Variants in ZBBX observed in about 807,000 individuals in gnomAD.
The protein encoded by ZBBX is zinc finger B-box domain-containing protein 1.
A neutral mutation model predicts 108.5 loss-of-function variants in ZBBX; 101 were observed. The ratio of observed to expected loss-of-function variants is 0.93; its 90% CI spans 0.79 to 1.10. The LOEUF (loss-of-function observed/expected upper bound fraction) is 1.10, where lower values mean the gene tolerates loss of function less well. Among genes scored for constraint, ZBBX ranks in the 50% least tolerant of loss-of-function variants. ZBBX has a pLI of 0.00. For synonymous variants in ZBBX, 356 were observed against 323.4 expected (o/e 1.10, Z -1.08); for missense variants, 1,009 against 941.4 (o/e 1.07, Z -0.94).
At chr3:167,339,860 T>A (rs1740234775) in intron 9 of ZBBX, among the ~76,000 whole-genome samples, 2 of 151,962 alleles carry the variant, frequency 1.3e-5, no homozygotes, top group Non-Finnish European at 2.9e-5. Context: ...TGTTGTTTCA[T>A]TCCCTGTGTC....
chr3:167,241,153 A>G (rs892719981), intron 21 of ZBBX, among the ~76,000 whole-genome samples: 1 of 152,176 alleles, frequency 6.6e-6, no homozygotes, highest in Non-Finnish European at 1.5e-5. Flanking sequence ...AGAATCAAGG[A>G]GAGACTTTAT....
intron 20 of ZBBX, chr3:167,248,776 C>T: frequency 2.6e-6 from 1 of 389,718 alleles, no homozygotes; most frequent in Non-Finnish European, 5.2e-6. Context: ...ATGGCATAAA[C>T]AGGCTCAGGA....
the ZBBX span, among the ~76,000 whole-genome samples, chr3:167,231,203 A>G: frequency 6.6e-6 from 1 of 151,866 alleles, no homozygotes; most frequent in Non-Finnish European, 1.5e-5. Flanking sequence ...GAAATTATAC[A>G]TTAGAGGTTT....
the ZBBX span, among the ~76,000 whole-genome samples, chr3:167,222,983 G>T: frequency 8.9e-3 from 1,358 of 151,906 alleles, 28 homozygotes; most frequent in African/African-American, 0.031. Flanking sequence ...TGAGGTGATG[G>T]ACACCCAAAT....
chr3:167,288,820 G>T, intron 19 of ZBBX, 47 bp downstream of exon 19: 1 of 1,352,742 alleles, frequency 7.4e-7, no homozygotes, highest in Non-Finnish European at 1.0e-6. Context: ...AACTACTAAA[G>T]GAAGTAAGCT....
chr3:167,322,482 G>C (rs12638428), intron 11 of ZBBX, among the ~76,000 whole-genome samples: 117,974 of 151,870 alleles, frequency 0.78, 45,875 homozygotes, highest in East Asian at 0.9. Context: ...CAGAAGGTTT[G>C]TTAAAGCAAC....
At chr3:167,353,729 T>C (rs966264511) in intron 8 of ZBBX, among the ~76,000 whole-genome samples, 10 of 152,026 alleles carry the variant, frequency 6.6e-5, no homozygotes, top group African/African-American at 2.4e-4. Context: ...ACAACAACTC[T>C]ATAAATTTAC....
intron 2 of ZBBX, among the ~76,000 whole-genome samples, chr3:167,374,056 G>A (rs1413481796): frequency 6.6e-6 from 1 of 151,994 alleles, no homozygotes; most frequent in Non-Finnish European, 1.5e-5. Context: ...CCAAGTATTT[G>A]TTCTATCTAA....
the ZBBX span, among the ~76,000 whole-genome samples, chr3:167,231,558 A>T: frequency 6.6e-6 from 1 of 151,828 alleles, no homozygotes; most frequent in African/African-American, 2.4e-5. Flanking sequence ...CCAGTGAAAA[A>T]AATCAAAGTG....
At chr3:167,182,639 G>C in the ZBBX span, among the ~76,000 whole-genome samples, 22 of 152,102 alleles carry the variant, frequency 1.4e-4, no homozygotes, top group Admixed American at 6.5e-4. Flanking sequence ...TTGAGGTTGG[G>C]CCTGGGCATT....
chr3:167,394,271 A>T (rs1028418663), intron 1 of ZBBX, among the ~76,000 whole-genome samples: 2 of 151,858 alleles, frequency 1.3e-5, no homozygotes, highest in Non-Finnish European at 2.9e-5. Context: ...TTTTTTCCTC[A>T]ATCTTTACAA....
chr3:167,396,795 T>C (rs776058118), intron 1 of ZBBX, among the ~76,000 whole-genome samples: 2 of 151,928 alleles, frequency 1.3e-5, no homozygotes, highest in Non-Finnish European at 2.9e-5. Context: ...AGCAAAAATA[T>C]GAGGAAGACA....
intron 18 of ZBBX, among the ~76,000 whole-genome samples, chr3:167,296,559 C>T (rs1480087671): frequency 6.6e-6 from 1 of 151,822 alleles, no homozygotes; most frequent in Non-Finnish European, 1.5e-5. Context: ...AGGCAAATAC[C>T]AGTTGTATTT....
chr3:167,180,148 A>T, the ZBBX span, among the ~76,000 whole-genome samples: 3 of 152,352 alleles, frequency 2.0e-5, no homozygotes, highest in African/African-American at 7.2e-5. Context: ...AAAAAAGAGC[A>T]AATCTAGAGT....
At position 167,247,316 on chromosome 3, in the gene ZBBX, C is replaced by T. The variant is rs148635174; in HGVS notation, c.2255-4673G>A. 1.7e-3 allele frequency among the ~76,000 whole-genome samples: 254 copies of T among 152,248 alleles called. 1 individual carries two copies. Among genetic ancestry groups the T allele is most frequent in the African/African-American group, 4.8e-3 (200 of 41,536 alleles). On this transcript the variant is annotated intron_variant, in intron 20 of 21. Transcript: ENST00000675490. ...GGCACACTGGCAGCCCATCAACCAG[C>T]GGGTTGAGATGGAGTTTGGCTAGGG...
chr3:167,391,488 T>A (rs1748083770), intron 1 of ZBBX, among the ~76,000 whole-genome samples: 1 of 152,092 alleles, frequency 6.6e-6, no homozygotes, highest in Non-Finnish European at 1.5e-5. Context: ...ATCAGGATGA[T>A]GCTAGTCTCA....
At chr3:167,346,427 T>C (rs1426558204) in intron 9 of ZBBX, among the ~76,000 whole-genome samples, 1 of 151,840 alleles carries the variant, frequency 6.6e-6, no homozygotes, top group Non-Finnish European at 1.5e-5. Context: ...GGTATGCTGA[T>C]ACAAAATGAT....
intron 9 of ZBBX, among the ~76,000 whole-genome samples, chr3:167,346,806 T>C (rs533978598): frequency 1.3e-5 from 2 of 151,874 alleles, no homozygotes; most frequent in East Asian, 1.9e-4. Context: ...ACAAAAACTT[T>C]ATGCATAGGA....
chr3:167,241,034 G>A, intron 21 of ZBBX, 115 bp from the exon 22 acceptor site: 1 of 1,250,828 alleles, frequency 8.0e-7, no homozygotes, highest in East Asian at 2.5e-5. Flanking sequence ...CAGATGTGAG[G>A]GAGCTGTATC....
Sources: allele counts gnomAD v4.1 joint callset (sites outside exome capture counted in the v4.1 genomes callset), GRCh38; gene constraint gnomAD v4.1.1; transcripts MANE v1.5; gene names NCBI Gene and HGNC (gene_info 2026-07-23, HGNC 2026-07-21).